Variants in ZC4H2 observed in about 807,000 individuals in gnomAD.
The protein encoded by ZC4H2 is zinc finger C4H2-type containing.
For synonymous variants in ZC4H2, 84 were observed against 66.3 expected (o/e 1.27, Z -1.30); for missense variants, 137 against 173.9 (o/e 0.79, Z 1.19).
In ZC4H2 at chrX:64,917,113, AT is replaced by A. The variant is rs757159998; in HGVS notation, c.*669del. On this transcript the variant is annotated 3_prime_UTR_variant, in exon 5 of 5. Coordinates refer to ENST00000374839, the MANE Select transcript of ZC4H2 (RefSeq NM_018684.4). ...CTACTAGAATTTGCAAAGACTAGATATTGGGGAAAGGTTCATTGATCTTAAG... is the reference window on the plus strand; with the variant it reads ...CTACTAGAATTTGCAAAGACTAGATATGGGGAAAGGTTCATTGATCTTAAG... 1 of 112,018 alleles carries A rather than the reference AT, an allele frequency of 8.9e-6. No homozygotes were observed. The highest frequency in any genetic ancestry group is 3.3e-5 in the African/African-American group (1 of 30,742). 9.2% of individuals were successfully genotyped at this position (112,018 alleles called of 1,213,427 possible). A position where few individuals can be genotyped will look rare whatever the true frequency, so the allele number is the denominator to read the frequency against.
intron 1 of ZC4H2, among the ~76,000 whole-genome samples, chrX:65,013,876 G>T (rs753694831): frequency 9.0e-6 from 1 of 111,233 alleles, no homozygotes; most frequent in Non-Finnish European, 1.9e-5. Flanking sequence ...TTACAGAAAA[G>T]AAATGATGGA....
intron 1 of ZC4H2, among the ~76,000 whole-genome samples, chrX:65,030,033 A>C (rs1932918874): frequency 8.9e-6 from 1 of 112,519 alleles, no homozygotes; most frequent in South Asian, 3.7e-4. Context: ...CAAAAGATGA[A>C]GATCTATAGC....
chrX:64,956,035 T>C (rs1275414616), intron 1 of ZC4H2, among the ~76,000 whole-genome samples: 2 of 111,761 alleles, frequency 1.8e-5, no homozygotes, highest in Non-Finnish European at 3.8e-5. Context: ...TGATTAAAAA[T>C]GTATCCCTCA....
At chrX:65,012,688 TA>T (rs1932767256) in intron 1 of ZC4H2, among the ~76,000 whole-genome samples, 1 of 112,035 alleles carries the variant, frequency 8.9e-6, no homozygotes, top group African/African-American at 3.2e-5. Context: ...TCAGCAGCAA[TA>T]AACAATTCCA....
At chrX:64,965,472 T>A (rs904448906) in intron 1 of ZC4H2, 5 of 320,008 alleles carry the variant, frequency 1.6e-5, no homozygotes, top group African/African-American at 1.1e-4. Flanking sequence ...TACAAAAAAA[T>A]TAAGTGAAAA....
chrX:64,961,340 A>T (rs1161356169), intron 1 of ZC4H2, among the ~76,000 whole-genome samples: 1 of 111,482 alleles, frequency 9.0e-6, no homozygotes, highest in East Asian at 2.8e-4. Context: ...TATTTCTGGA[A>T]GTTCACTAAT....
chrX:64,958,832 G>A (rs1488378771), intron 1 of ZC4H2, among the ~76,000 whole-genome samples: 1 of 111,428 alleles, frequency 9.0e-6, no homozygotes, highest in African/African-American at 3.3e-5. Context: ...AATTAAGAAG[G>A]TACTGGGGGT....
chrX:64,964,055 C>T (rs1415959591), intron 1 of ZC4H2, among the ~76,000 whole-genome samples: 4 of 110,551 alleles, frequency 3.6e-5, no homozygotes, highest in Non-Finnish European at 7.6e-5. Flanking sequence ...CGTAGAGCTG[C>T]TATTCAATAT....
chrX:64,988,860 AAC>A (rs1298068730), intron 1 of ZC4H2, among the ~76,000 whole-genome samples: 6 of 111,563 alleles, frequency 5.4e-5, no homozygotes, highest in African/African-American at 1.6e-4. Context: ...TTTTAGGTCT[AAC>A]ATTTAAGTCT....
chrX:64,964,810 A>G (rs1258646667), intron 1 of ZC4H2, among the ~76,000 whole-genome samples: 1 of 111,593 alleles, frequency 9.0e-6, no homozygotes, highest in Admixed American at 9.5e-5. Context: ...TATAATCAAC[A>G]GTTTAAACCA....
At chrX:64,969,432 A>C (rs1931700382) in intron 1 of ZC4H2, among the ~76,000 whole-genome samples, 2 of 111,956 alleles carry the variant, frequency 1.8e-5, no homozygotes, top group Non-Finnish European at 3.8e-5. Context: ...TAGGCCTTGA[A>C]GATGGGAAAA....
intron 1 of ZC4H2, among the ~76,000 whole-genome samples, chrX:65,028,820 C>A (rs1932907466): frequency 9.0e-6 from 1 of 111,573 alleles, no homozygotes; most frequent in Non-Finnish European, 1.9e-5. Context: ...CTGTGCCGGG[C>A]CTCTCTTTGG....
intron 1 of ZC4H2, among the ~76,000 whole-genome samples, chrX:64,955,791 C>T (rs945798949): frequency 8.9e-6 from 1 of 112,078 alleles, no homozygotes; most frequent in East Asian, 2.8e-4. Flanking sequence ...GATTTTGCAG[C>T]CAGCCTTATA....
chrX:64,961,603 T>C (rs963833589), intron 1 of ZC4H2, among the ~76,000 whole-genome samples: 1 of 109,796 alleles, frequency 9.1e-6, no homozygotes, highest in East Asian at 2.8e-4. Flanking sequence ...ATAAGCCAAA[T>C]AAAGAATCAA....
chrX:64,920,116 A>G lies in ZC4H2; in HGVS notation c.363T>C (p.Pro121=), dbSNP rs751112528. 2 of 1,211,618 alleles carry G rather than the reference A, an allele frequency of 1.7e-6. No homozygotes were observed. Among genetic ancestry groups the G allele is most frequent in the East Asian group, 3.0e-5 (1 of 33,844 alleles). ...LRMTLGLQRL[P]DLCEEEEKLS... Reference sequence around the variant, plus strand: ...GCTTCTCCTCTTCTTCACACAAGTCAGGGAGCCTCTGCAGGCCCAGAGTCA... The same window carrying G: ...GCTTCTCCTCTTCTTCACACAAGTCGGGGAGCCTCTGCAGGCCCAGAGTCA... Residue 121 remains proline, a synonymous_variant, in exon 3 of 5, where the codon CCT becomes CCC. Transcript: ENST00000374839.
upstream of ZC4H2, among the ~76,000 whole-genome samples, chrX:64,977,315 G>A (rs1931979809): frequency 9.0e-6 from 1 of 110,713 alleles, no homozygotes; most frequent in Non-Finnish European, 1.9e-5. Context: ...AGGAAAGGAT[G>A]AGTGGTTCAG....
chrX:65,031,205 C>G (rs760578267), intron 1 of ZC4H2, among the ~76,000 whole-genome samples: 2 of 112,197 alleles, frequency 1.8e-5, no homozygotes, highest in Non-Finnish European at 3.8e-5. Flanking sequence ...ACCTACTTCT[C>G]TATATTCAAC....
intron 1 of ZC4H2, among the ~76,000 whole-genome samples, chrX:64,954,346 ATATATATAATTAT>A (rs1931045728): frequency 1.4e-5 from 1 of 73,972 alleles, no homozygotes; most frequent in Admixed American, 1.5e-4. Flanking sequence ...ATAATTATAT[ATATATATAATTAT>A]ATATATATAT....
chrX:64,981,171 G>T (rs893855814), upstream of ZC4H2, among the ~76,000 whole-genome samples: 2 of 111,281 alleles, frequency 1.8e-5, no homozygotes, highest in African/African-American at 6.5e-5. Context: ...AGACTGAGGA[G>T]ACAGTTTATG....
Sources: gnomAD v4.1 joint callset for allele counts (sites outside exome capture counted in the v4.1 genomes callset) on GRCh38, gnomAD v4.1.1 for gene constraint, MANE v1.5 for transcripts, NCBI Gene and HGNC (gene_info 2026-07-23, HGNC 2026-07-21) for gene names.